Variants in DPP4 observed in about 807,000 individuals in gnomAD.
DPP4 encodes the protein ADCP-2.
In DPP4, 93 loss-of-function variants were observed where a neutral mutation model predicts 122.4. The ratio of observed to expected loss-of-function variants is 0.76; its 90% CI spans 0.64 to 0.90. The LOEUF (loss-of-function observed/expected upper bound fraction) is 0.90. DPP4 is among the 40% of genes least tolerant of loss of function. The pLI is 0.00. For missense variants in DPP4, 914 were observed against 907.3 expected (o/e 1.01, Z -0.09); for synonymous variants, 321 against 302.9 (o/e 1.06, Z -0.62).
At chr2:162,023,657 A>T (rs932582724) in intron 11 of DPP4, among the ~76,000 whole-genome samples, 1 of 152,128 alleles carries the variant, frequency 6.6e-6, no homozygotes, top group Non-Finnish European at 1.5e-5. Context: ...AGTAGAGCTG[A>T]TCATCTTCTT....
Position 162,024,949 on chromosome 2 carries a change from A to G in DPP4, c.888-10T>C. 6.2e-7 allele frequency: 1 copy of G among 1,612,046 alleles called. No homozygotes were observed. The highest frequency in any genetic ancestry group is 8.5e-7 in the Non-Finnish European group (1 of 1,179,876). On this transcript the variant is annotated splice_polypyrimidine_tract_variant and intron_variant, in intron 10 of 25. Coordinates refer to ENST00000360534, the MANE Select transcript of DPP4 (RefSeq NM_001935.4). Reference sequence around the variant, plus strand: ...ACACAAGTAGTGATCCCTGGAAGGAAGAAAGAAAGGAAGGACAGAGAGAGA... The same window carrying G: ...ACACAAGTAGTGATCCCTGGAAGGAGGAAAGAAAGGAAGGACAGAGAGAGA...
At chr2:162,036,350 G>A (rs1292739492) in intron 8 of DPP4, among the ~76,000 whole-genome samples, 3 of 152,082 alleles carry the variant, frequency 2.0e-5, no homozygotes, top group African/African-American at 7.2e-5. Context: ...GTAATAAAAT[G>A]TAATAATAAT....
At position 162,020,266 on chromosome 2, in the gene DPP4, C is replaced by T; in HGVS notation, c.1207G>A (p.Glu403Lys). The part of the protein sequence containing the change: ...DCTFITKGTW[E>K]VIGIEALTSD... The stretch of plus-strand genomic sequence containing the variant: ...GTTAGAGCTTCTATCCCGATGACTT[C>T]CCAGGTGCCTTTTGTAATAAATGTG... Residue 403 changes from glutamate (E) to lysine (K), a missense_variant, in exon 14 of 26, where the codon GAA becomes AAA. Coordinates refer to ENST00000360534, the MANE Select transcript of DPP4 (RefSeq NM_001935.4). 6.2e-7 allele frequency: 1 copy of T among 1,610,724 alleles called. No homozygotes were observed. Among genetic ancestry groups the T allele is most frequent in the Non-Finnish European group, 8.5e-7 (1 of 1,179,374 alleles).
intron 17 of DPP4, 42 bp downstream of exon 17, chr2:162,017,066 A>T (rs1239798887): frequency 1.3e-6 from 2 of 1,589,184 alleles, no homozygotes; most frequent in Admixed American, 3.4e-5. Flanking sequence ...TATGCAACAC[A>T]CTTTCTTAGA....
rs1576043329 is a variant in DPP4 at position 162,019,344 on chromosome 2, A to C, written c.1245-68T>G. 8.1e-6 allele frequency: 9 copies of C among 1,105,142 alleles called. No homozygotes were observed. The East Asian group carries it at 1.9e-4, about 23-fold the overall frequency. 68.5% of individuals were successfully genotyped at this position (1,105,142 alleles called of 1,614,324 possible). A position where few individuals can be genotyped will look rare whatever the true frequency, so the allele number is the denominator to read the frequency against. On this transcript the variant is annotated intron_variant, in intron 14 of 25. Coordinates refer to ENST00000360534, the MANE Select transcript of DPP4 (RefSeq NM_001935.4). ...TAAGAAGTCAGAGGCGATCCACCGCACTCAGACCCCAAGCCTAAGTGTGCA... is the reference window on the plus strand; with the variant it reads ...TAAGAAGTCAGAGGCGATCCACCGCCCTCAGACCCCAAGCCTAAGTGTGCA...
intron 2 of DPP4, among the ~76,000 whole-genome samples, chr2:162,062,382 C>T (rs902814285): frequency 2.6e-5 from 4 of 152,220 alleles, no homozygotes; most frequent in East Asian, 3.8e-4. Context: ...AGTGACTTAA[C>T]ACAGCACACA....
At chr2:162,018,666 G>A (rs77732408) in intron 16 of DPP4, 63 bp downstream of exon 16, 40,606 of 1,571,856 alleles carry the variant, frequency 0.026, 611 homozygotes, top group Non-Finnish European at 0.032. Context: ...AAGGAATAGA[G>A]GGAGCTGCTT....
rs144186033 is a variant in DPP4, at chr2:162,045,537, C to A, written c.361G>T (p.Val121Leu). 6.9e-6 allele frequency: 11 copies of A among 1,604,426 alleles called. No individual in the cohort carries two copies. In the Admixed American group the frequency reaches 1.7e-4, roughly 24 times the overall value. ...TAAGAAAGCATTTATTTTACCTTCA[C>A]GTAGTTGTATTCTAAGAGAATAAAC... ...GQFILLEYNY[V>L]KQWRHSYTAS... The change falls in exon 5 of 26, where the codon GTG becomes TTG. Residue 121 changes from valine to leucine, a missense_variant. Transcript: ENST00000360534.
chr2:162,020,539 A>T (rs1339920349), intron 13 of DPP4, 42 bp downstream of exon 13: 1 of 1,509,972 alleles, frequency 6.6e-7, no homozygotes, highest in East Asian at 2.3e-5. Context: ...TCCAAAAAAA[A>T]AAAAGAGGTC....
intron 9 of DPP4, among the ~76,000 whole-genome samples, chr2:162,034,238 C>A (rs1683683314): frequency 6.6e-6 from 1 of 152,070 alleles, no homozygotes; most frequent in South Asian, 2.1e-4. Flanking sequence ...TAAATATACA[C>A]ATAGATCTTC....
intron 12 of DPP4, 106 bp downstream of exon 12, chr2:162,022,649 A>G (rs560144361): frequency 2.9e-6 from 3 of 1,025,428 alleles, no homozygotes; most frequent in Non-Finnish European, 4.6e-6. Context: ...GTTAACTAAT[A>G]TTGCTATTAA....
chr2:162,018,833 TA>T lies in DPP4; in HGVS notation c.1315del (p.Tyr439IlefsTer4). 3 of 1,614,168 alleles carry T rather than the reference TA, an allele frequency of 1.9e-6. No homozygotes were observed. Among genetic ancestry groups the T allele is most frequent in the Non-Finnish European group, 2.5e-6 (3 of 1,180,040 alleles). On this transcript the variant is annotated frameshift_variant, in exon 16 of 26. Transcript: ENST00000360534. LOFTEE classifies it high-confidence loss of function. ...ACAACTGAGGCATGTCACTTTTGTA[TA>T]GTCACTAAGTTGGATTCTGTAAAAC... ...RNLYKIQLSD[Y>X]TKVTCLSCEL...
intron 23 of DPP4, 103 bp downstream of exon 23, chr2:162,005,642 G>T: frequency 9.7e-7 from 1 of 1,031,288 alleles, no homozygotes. Context: ...CAAGAATTTT[G>T]TTGGAAATAA....
chr2:162,008,420 A>G, intron 22 of DPP4, 142 bp downstream of exon 22: 1 of 657,704 alleles, frequency 1.5e-6, no homozygotes, highest in East Asian at 2.7e-5. Flanking sequence ...TCATCTTATT[A>G]TAGGTATCCA....
intron 11 of DPP4, among the ~76,000 whole-genome samples, chr2:162,024,006 A>C (rs919602004): frequency 3.9e-5 from 6 of 152,236 alleles, no homozygotes; most frequent in Non-Finnish European, 8.8e-5. Context: ...TACATAAATT[A>C]ATAAGTGAAT....
At chr2:161,998,993 G>T (rs1022243678) in intron 23 of DPP4, among the ~76,000 whole-genome samples, 5 of 152,124 alleles carry the variant, frequency 3.3e-5, no homozygotes, top group African/African-American at 1.2e-4. Flanking sequence ...TTTCAAATGC[G>T]CACTTCCCCT....
At chr2:162,033,862 G>GTATATATATATATATATATATATATATA (rs138320647) in intron 9 of DPP4, among the ~76,000 whole-genome samples, 1 of 104,026 alleles carries the variant, frequency 9.6e-6, no homozygotes, top group African/African-American at 3.5e-5. Context: ...CAGAATATGT[G>GTATATATATATATATATATATATATATA]TATATATATA....
chr2:162,035,513 G>C (rs1201004236), intron 8 of DPP4, among the ~76,000 whole-genome samples, 189 bp from the exon 9 acceptor site: 2 of 152,042 alleles, frequency 1.3e-5, no homozygotes, highest in African/African-American at 4.8e-5. Flanking sequence ...GGATATATCT[G>C]GATTGTAAAA....
At chr2:162,009,622 ACTTTT>A (rs1427014632) in intron 20 of DPP4, among the ~76,000 whole-genome samples, 2 of 151,736 alleles carry the variant, frequency 1.3e-5, no homozygotes, top group African/African-American at 4.8e-5. Context: ...GCCCAGATGC[ACTTTT>A]CTTTACATAA....
Sources: gnomAD v4.1 joint callset for allele counts (sites outside exome capture counted in the v4.1 genomes callset) on GRCh38, gnomAD v4.1.1 for gene constraint, MANE v1.5 for transcripts, NCBI Gene and HGNC (gene_info 2026-07-23, HGNC 2026-07-21) for gene names.